SPAG9: variants seen among roughly 807,000 people sequenced by gnomAD.
SPAG9 encodes the protein C-Jun-amino-terminal kinase-interacting protein 4.
Under a neutral mutation model 166.5 loss-of-function variants are expected in SPAG9, and 35 were observed. The ratio of observed to expected loss-of-function variants is 0.21; its 90% CI spans 0.16 to 0.28. The LOEUF (loss-of-function observed/expected upper bound fraction) is 0.28. Ranked by LOEUF, SPAG9 falls within the 10% of genes least tolerant of loss-of-function variation. The pLI, the probability that SPAG9 is intolerant of heterozygous loss-of-function variation, is 1.00. For missense variants in SPAG9, 1,235 were observed against 1,603.3 expected (o/e 0.77, Z 3.92); for synonymous variants, 534 against 565.5 (o/e 0.94, Z 0.79).
chr17:51,079,777 GA>G, intron 1 of SPAG9, 73 bp from the exon 2 acceptor site: 6 of 1,060,220 alleles, frequency 5.7e-6, no homozygotes, highest in Non-Finnish European at 8.3e-6. Flanking sequence ...TTATTTCTTG[GA>G]ATCAATAATC....
chr17:50,969,952 T>C (rs913552701), intron 29 of SPAG9, among the ~76,000 whole-genome samples: 1 of 152,244 alleles, frequency 6.6e-6, no homozygotes, highest in Non-Finnish European at 1.5e-5. Flanking sequence ...ACGAAGGCTT[T>C]GTCTGATTTG....
intron 2 of SPAG9, among the ~76,000 whole-genome samples, chr17:51,062,388 A>G (rs1455282367): frequency 1.3e-5 from 2 of 152,198 alleles, no homozygotes; most frequent in South Asian, 2.1e-4. Flanking sequence ...ATCAAACAAA[A>G]TAAGTTCACT....
intron 27 of SPAG9, chr17:50,975,940 C>A: frequency 6.8e-7 from 1 of 1,479,518 alleles, no homozygotes; most frequent in East Asian, 2.5e-5. Context: ...TGGAGAGGTG[C>A]ATGACAGGGA....
At chr17:51,015,172 A>C (rs1288572973) in intron 8 of SPAG9, among the ~76,000 whole-genome samples, 1 of 152,230 alleles carries the variant, frequency 6.6e-6, no homozygotes, top group East Asian at 1.9e-4. Context: ...ATGGGCAAAC[A>C]GTAGAAAGTG....
intron 2 of SPAG9, among the ~76,000 whole-genome samples, chr17:51,067,473 C>T (rs1331904783): frequency 6.6e-6 from 1 of 152,122 alleles, no homozygotes; most frequent in Non-Finnish European, 1.5e-5. Context: ...TTAACCTATA[C>T]CTATATTGTT....
In SPAG9 at chr17:51,005,261, G is replaced by C; in HGVS notation, c.1427C>G (p.Ala476Gly). Residue 476 changes from alanine (A) to glycine (G), a missense_variant and splice_region_variant, in exon 12 of 30, where the codon GCT becomes GGT. Ala to Gly is a moderately conservative substitution (Grantham distance 60). Around this residue, in one of 6 missense-constraint regions of SPAG9, gnomAD observed 125 missense variants for 194.0 expected, o/e 0.64. Coordinates refer to ENST00000262013, the MANE Select transcript of SPAG9 (RefSeq NM_001130528.3). ...NRELEEELRK[A>G]RAEAEDARQK... ...CCTTGCATCTTCAGCTTCTGCCCGA[G>C]CTCTAGTGGGGAAAAAACAAAACAA... The C allele has an allele frequency of 6.2e-7, 1 of 1,613,674 alleles. No individual in the cohort carries two copies. The highest frequency in any genetic ancestry group is 2.2e-5 in the East Asian group (1 of 44,846).
At chr17:50,999,787 G>A in intron 13 of SPAG9, 70 bp from the exon 14 acceptor site, 1 of 1,359,506 alleles carries the variant, frequency 7.4e-7, no homozygotes, top group Admixed American at 1.8e-5. Flanking sequence ...TGAAGAACAA[G>A]AGACCCAAGA....
At chr17:51,087,394 G>C (rs2048332527) in intron 1 of SPAG9, among the ~76,000 whole-genome samples, 1 of 152,186 alleles carries the variant, frequency 6.6e-6, no homozygotes, top group Admixed American at 6.5e-5. Context: ...AATTCAAACA[G>C]ATGCCAAAAT....
chr17:50,985,539 T>C (rs1597912488), intron 23 of SPAG9, among the ~76,000 whole-genome samples, 159 bp downstream of exon 23: 1 of 151,702 alleles, frequency 6.6e-6, no homozygotes, highest in South Asian at 2.1e-4. Context: ...ACAGTTTCAT[T>C]CTCACTTAAC....
intron 3 of SPAG9, among the ~76,000 whole-genome samples, chr17:51,053,854 A>AAATATATAT (rs1491529465): frequency 6.1e-4 from 21 of 34,436 alleles, no homozygotes; most frequent in Admixed American, 1.4e-3. Flanking sequence ...AAAAAAAAAA[A>AAATATATAT]GTATATATAT....
At chr17:50,995,973 A>G (rs1900461541) in intron 16 of SPAG9, 1 of 161,132 alleles carries the variant, frequency 6.2e-6, no homozygotes, top group African/African-American at 2.4e-5. Context: ...CCATGAGCCA[A>G]TGACAGGCAT....
At chr17:50,977,999 A>G (rs1974316700) in intron 26 of SPAG9, among the ~76,000 whole-genome samples, 1 of 152,242 alleles carries the variant, frequency 6.6e-6, no homozygotes, top group Non-Finnish European at 1.5e-5. Context: ...CAAAATCTAT[A>G]CTTTTCCCCT....
At chr17:51,085,457 C>T (rs551966491) in intron 1 of SPAG9, 1 of 152,268 alleles carries the variant, frequency 6.6e-6, no homozygotes, top group South Asian at 2.1e-4. Context: ...ATTATGACTA[C>T]TGAGGCTTTT....
At chr17:51,083,908 C>T (rs1163300136) in intron 1 of SPAG9, among the ~76,000 whole-genome samples, 1 of 152,090 alleles carries the variant, frequency 6.6e-6, no homozygotes, top group Non-Finnish European at 1.5e-5. Flanking sequence ...GTTCCTTCCA[C>T]AAACCCCAAG....
intron 1 of SPAG9, among the ~76,000 whole-genome samples, chr17:51,086,972 T>C (rs1193621161): frequency 6.6e-6 from 1 of 152,120 alleles, no homozygotes; most frequent in Non-Finnish European, 1.5e-5. Flanking sequence ...ATCACTAATA[T>C]GCAACAAAAA....
At chr17:51,027,117 C>G (rs1412766068) in intron 6 of SPAG9, among the ~76,000 whole-genome samples, 1 of 152,120 alleles carries the variant, frequency 6.6e-6, no homozygotes, top group Non-Finnish European at 1.5e-5. Context: ...TGCATTATAC[C>G]TCACTAACTG....
At chr17:51,024,444 G>A (rs1167570007) in intron 6 of SPAG9, among the ~76,000 whole-genome samples, 1 of 151,570 alleles carries the variant, frequency 6.6e-6, no homozygotes, top group Non-Finnish European at 1.5e-5. Flanking sequence ...ACAATACTTT[G>A]GCCAAGCGTG....
chr17:51,077,093 T>TCTATCTAGCTAGCTATCTAG (rs1273466208), intron 2 of SPAG9, among the ~76,000 whole-genome samples: 52 of 56,114 alleles, frequency 9.3e-4, no homozygotes, highest in Admixed American at 2.2e-3. Context: ...TAGCTAGCTA[T>TCTATCTAGCTAGCTATCTAG]CTATCTAGCT....
intron 2 of SPAG9, among the ~76,000 whole-genome samples, chr17:51,079,379 C>T (rs778111098): frequency 6.6e-6 from 1 of 152,110 alleles, no homozygotes; most frequent in East Asian, 1.9e-4. Flanking sequence ...GCTGGGATTA[C>T]AGTCATGCAC....
Sources: gnomAD v4.1 joint callset for allele counts (sites outside exome capture counted in the v4.1 genomes callset) on GRCh38, gnomAD v4.1.1 for gene constraint, gnomAD v4.1.1 regional missense constraint, MANE v1.5 for transcripts, NCBI Gene and HGNC (gene_info 2026-07-23, HGNC 2026-07-21) for gene names.